The following MACROD2 variants were observed in gnomAD, a reference collection of about 807,000 sequenced individuals.
MACROD2 encodes the protein mono-ADP ribosylhydrolase 2.
In MACROD2, 36 loss-of-function variants were observed where a neutral mutation model predicts 70.4. That is an observed-to-expected ratio of 0.51 (90% CI 0.39 to 0.68). The LOEUF is 0.68. Among genes scored for constraint, MACROD2 ranks in the 30% least tolerant of loss-of-function variants. The pLI is 0.00. For missense variants in MACROD2, 496 were observed against 538.4 expected (o/e 0.92, Z 0.78); for synonymous variants, 172 against 178.8 (o/e 0.96, Z 0.30).
chr20:14,040,919 G>A (rs2053381722), intron 2 of MACROD2, among the ~76,000 whole-genome samples: 1 of 152,164 alleles, frequency 6.6e-6, no homozygotes, highest in South Asian at 2.1e-4. Context: ...GCAGAGATAA[G>A]TATAAAACAT....
At chr20:15,504,953 G>A (rs6079856) in intron 8 of MACROD2, among the ~76,000 whole-genome samples, 65,329 of 151,924 alleles carry the variant, frequency 0.43, 15,236 homozygotes, top group Middle Eastern at 0.54. Flanking sequence ...AATTCTTTGC[G>A]GAATAGGTAT....
intron 3 of MACROD2, among the ~76,000 whole-genome samples, chr20:14,088,795 T>C (rs2054113862): frequency 1.3e-5 from 2 of 152,224 alleles, no homozygotes; most frequent in African/African-American, 4.8e-5. Context: ...ATACTGTGTA[T>C]TTGTTAAATT....
intron 3 of MACROD2, among the ~76,000 whole-genome samples, chr20:14,255,232 G>A (rs2082044072): frequency 6.6e-6 from 1 of 152,038 alleles, no homozygotes; most frequent in South Asian, 2.1e-4. Context: ...CTGGCAAATT[G>A]GATAAAGAGT....
At chr20:15,744,236 A>G (rs1375356462) in intron 8 of MACROD2, among the ~76,000 whole-genome samples, 1 of 152,244 alleles carries the variant, frequency 6.6e-6, no homozygotes, top group Non-Finnish European at 1.5e-5. Flanking sequence ...TAAAATAGCC[A>G]AGAAATGCTG....
At chr20:14,819,129 G>A (rs1044953868) in intron 5 of MACROD2, among the ~76,000 whole-genome samples, 5 of 151,764 alleles carry the variant, frequency 3.3e-5, no homozygotes, top group Non-Finnish European at 7.4e-5. Context: ...TGCTGGGTGT[G>A]GTGGCAGGCA....
intron 15 of MACROD2, among the ~76,000 whole-genome samples, chr20:16,029,583 C>T (rs79296930): frequency 5.9e-5 from 9 of 152,144 alleles, no homozygotes; most frequent in East Asian, 5.8e-4. Context: ...TGGAAATGTG[C>T]GGAAGGAACG....
chr20:15,419,116 T>A (rs2146337278), intron 6 of MACROD2, among the ~76,000 whole-genome samples: 1 of 152,014 alleles, frequency 6.6e-6, no homozygotes, highest in Non-Finnish European at 1.5e-5. Flanking sequence ...ACAGGTGAAA[T>A]GTGAAGAAGT....
intron 8 of MACROD2, among the ~76,000 whole-genome samples, chr20:15,519,063 C>CTTCCTTCA (rs2047609721): frequency 1.4e-5 from 1 of 70,936 alleles, no homozygotes; most frequent in African/African-American, 1.0e-4. Context: ...TCTTTCCTTC[C>CTTCCTTCA]TTCCTTCCTT....
intron 2 of MACROD2, among the ~76,000 whole-genome samples, chr20:14,034,749 T>C (rs1478568677): frequency 6.6e-6 from 1 of 152,228 alleles, no homozygotes; most frequent in Non-Finnish European, 1.5e-5. Context: ...TCTAAGTGGG[T>C]TGCATATTCA....
At position 13,995,875 on chromosome 20, in the gene MACROD2, T is replaced by C; in HGVS notation, c.46+66T>C. ...GTTAGGGTGGGGGCGGGGGTCAGGC[T>C]GTGTGTGCCGCGGCGCCCTCCGCCC... On this transcript the variant is annotated intron_variant, in intron 1 of 17. Coordinates refer to ENST00000684519, the MANE Select transcript of MACROD2 (RefSeq NM_001351661.2). The surrounding 1 kb of genome is among the most constrained non-coding windows in gnomAD (Gnocchi z 4.3). The C allele has an allele frequency of 6.7e-7, 1 of 1,481,970 alleles. No individual in the cohort carries two copies. The allele number at this position is 1,481,970 out of a possible 1,614,324, so 91.8% of individuals were successfully genotyped here. A position where few individuals can be genotyped will look rare whatever the true frequency, so the allele number is the denominator to read the frequency against.
chr20:14,184,281 T>C (rs1042898127), intron 3 of MACROD2, among the ~76,000 whole-genome samples: 7 of 152,178 alleles, frequency 4.6e-5, no homozygotes, highest in African/African-American at 1.4e-4. Flanking sequence ...ATTTATTGAA[T>C]AGGGAATTCT....
intron 3 of MACROD2, among the ~76,000 whole-genome samples, chr20:14,451,809 C>A (rs908467649): frequency 2.0e-5 from 3 of 152,130 alleles, no homozygotes; most frequent in African/African-American, 7.2e-5. Context: ...GCTAAGTGAC[C>A]TTTTACCTTT....
At chr20:15,191,958 T>C (rs2076574439) in intron 5 of MACROD2, among the ~76,000 whole-genome samples, 2 of 150,528 alleles carry the variant, frequency 1.3e-5, no homozygotes, top group South Asian at 4.2e-4. Flanking sequence ...AATACATATA[T>C]ACAACTTTAT....
chr20:15,872,040 G>A (rs541483156), intron 9 of MACROD2, among the ~76,000 whole-genome samples: 1 of 152,274 alleles, frequency 6.6e-6, no homozygotes, highest in Admixed American at 6.5e-5. Context: ...GGGTATGTCT[G>A]AGCTCAAATC....
intron 3 of MACROD2, among the ~76,000 whole-genome samples, chr20:14,488,397 T>C (rs1055294261): frequency 3.3e-5 from 5 of 152,218 alleles, no homozygotes; most frequent in African/African-American, 1.2e-4. Context: ...GACTGGTATG[T>C]AGCACATTCT....
At chr20:15,114,596 TTTGA>T (rs1291099800) in intron 5 of MACROD2, among the ~76,000 whole-genome samples, 1 of 152,174 alleles carries the variant, frequency 6.6e-6, no homozygotes, top group Admixed American at 6.5e-5. Context: ...TGGCTGACAC[TTTGA>T]TTGAATCCAA....
At chr20:14,471,545 A>G (rs1023214803) in intron 3 of MACROD2, among the ~76,000 whole-genome samples, 2 of 152,220 alleles carry the variant, frequency 1.3e-5, no homozygotes, top group Non-Finnish European at 2.9e-5. Context: ...TCTAAGTAGT[A>G]TCTTTGCTGC....
At chr20:14,772,627 A>C (rs1156467897) in intron 5 of MACROD2, among the ~76,000 whole-genome samples, 4 of 152,068 alleles carry the variant, frequency 2.6e-5, no homozygotes, top group Non-Finnish European at 5.9e-5. Flanking sequence ...ACACGTGGGA[A>C]TTATGGGAGC....
chr20:15,783,672 C>T (rs1189881687), intron 8 of MACROD2, among the ~76,000 whole-genome samples: 1 of 152,020 alleles, frequency 6.6e-6, no homozygotes, highest in African/African-American at 2.4e-5. Context: ...ATAAATAAGA[C>T]AAAAAATGTA....
Sources: gnomAD v4.1 joint callset for allele counts (sites outside exome capture counted in the v4.1 genomes callset) on GRCh38, gnomAD v4.1.1 for gene constraint, Gnocchi (gnomAD v3.1) non-coding constraint, MANE v1.5 for transcripts, NCBI Gene and HGNC (gene_info 2026-07-23, HGNC 2026-07-21) for gene names.